The following COL22A1 variants were observed in gnomAD, a reference collection of about 807,000 sequenced individuals.
COL22A1 encodes the protein collagen alpha-1(XXII) chain.
COL22A1 carries 221 observed loss-of-function variants against 248.9 expected under a neutral mutation model. That is an observed-to-expected ratio of 0.89 (90% confidence interval 0.80 to 0.99). COL22A1 has a LOEUF of 0.99. COL22A1 is among the 50% of genes least tolerant of loss of function. The probability of loss-of-function intolerance (pLI) is 0.00; values close to 1 mark genes in which losing one functional copy is unlikely to be tolerated. For synonymous variants in COL22A1, 891 were observed against 793.4 expected (o/e 1.12, Z -2.07); for missense variants, 2,240 against 2,179.0 (o/e 1.03, Z -0.56).
intron 12 of COL22A1, among the ~76,000 whole-genome samples, chr8:138,792,703 C>T (rs1340609660): frequency 3.9e-5 from 6 of 152,180 alleles, no homozygotes; most frequent in Non-Finnish European, 8.8e-5. Context: ...GCTGTCTCTT[C>T]CCGTGGATAA....
chr8:138,632,069 G>A (rs1820771545), intron 49 of COL22A1, among the ~76,000 whole-genome samples: 1 of 152,182 alleles, frequency 6.6e-6, no homozygotes, highest in Admixed American at 6.5e-5. Context: ...ACTAGCTTTG[G>A]TTGAGTCATG....
chr8:138,747,754 C>T (rs1399293959), intron 22 of COL22A1, among the ~76,000 whole-genome samples: 1 of 152,042 alleles, frequency 6.6e-6, no homozygotes. Context: ...GCCTGGTACC[C>T]AGTAGATACA....
chr8:138,708,585 T>C (rs936955967), intron 30 of COL22A1, among the ~76,000 whole-genome samples: 1 of 152,238 alleles, frequency 6.6e-6, no homozygotes, highest in African/African-American at 2.4e-5. Flanking sequence ...GCTAGCCATA[T>C]GTAGAAAGCT....
chr8:138,663,618 T>C (rs558553260), intron 42 of COL22A1, 87 bp downstream of exon 42: 3 of 1,008,484 alleles, frequency 3.0e-6, no homozygotes, highest in African/African-American at 3.2e-5. Context: ...TCTACTTCAG[T>C]TTTTGGTGCT....
chr8:138,626,070 A>T, intron 51 of COL22A1, 120 bp downstream of exon 51: 1 of 731,756 alleles, frequency 1.4e-6, no homozygotes. Flanking sequence ...AATTTTCTAC[A>T]ACACTCAAAA....
At chr8:138,600,868 G>T (rs1036735737) in intron 60 of COL22A1, among the ~76,000 whole-genome samples, 9 of 152,144 alleles carry the variant, frequency 5.9e-5, no homozygotes, top group Non-Finnish European at 1.2e-4. Flanking sequence ...ACACCTGGAT[G>T]CTAAGGCCCT....
intron 37 of COL22A1, among the ~76,000 whole-genome samples, chr8:138,687,981 A>C (rs1354717466): frequency 6.6e-6 from 1 of 152,198 alleles, no homozygotes; most frequent in African/African-American, 2.4e-5. Flanking sequence ...ACCCTAGCTT[A>C]TATCAATGCA....
intron 7 of COL22A1, among the ~76,000 whole-genome samples, chr8:138,813,488 T>C (rs1398395288): frequency 6.6e-6 from 1 of 152,220 alleles, no homozygotes; most frequent in African/African-American, 2.4e-5. Context: ...CCCAGCCATA[T>C]GGAACCGTGA....
intron 23 of COL22A1, among the ~76,000 whole-genome samples, chr8:138,731,441 G>T (rs745315426): frequency 2.6e-5 from 4 of 152,132 alleles, no homozygotes; most frequent in Admixed American, 2.6e-4. Context: ...AGGTGATAGG[G>T]GGAGGGATGC....
intron 3 of COL22A1, among the ~76,000 whole-genome samples, chr8:138,863,044 T>C (rs937973062): frequency 6.6e-6 from 1 of 152,214 alleles, no homozygotes; most frequent in Non-Finnish European, 1.5e-5. Context: ...CAGTGTAAAC[T>C]TCCAAGTGTT....
Position 138,891,331 on chromosome 8 carries a change from C to G in COL22A1, c.-72-8087G>C, listed in dbSNP as rs139543735. 5.6e-3 allele frequency among the ~76,000 whole-genome samples: 859 copies of G among 152,234 alleles called. 7 individuals carry two copies. The highest frequency in any genetic ancestry group is 0.019 in the African/African-American group (809 of 41,546). ...AAATTAGTACTAATCACCCCCTTTA[C>G]CAGTGATGAACCTGGGTTCAGGGAG... On this transcript the variant is annotated intron_variant, in intron 1 of 64. Transcript: ENST00000303045.
In COL22A1 at chr8:138,725,990, G is replaced by A. The variant is rs575798481; in HGVS notation, c.2140-550C>T. The stretch of plus-strand genomic sequence containing the variant: ...TGTGAAGGTTCCCCCGTGATTCTAT[G>A]GAGATCAGTCCTCACAGCTGCTTGA... On this transcript the variant is annotated intron_variant, in intron 23 of 64. Transcript: ENST00000303045. Among the ~76,000 whole-genome samples, 29 of 152,302 alleles carry A rather than the reference G, an allele frequency of 1.9e-4. No homozygotes were observed. The South Asian group carries it at 4.3e-3, about 23-fold the overall frequency.
At chr8:138,596,802 A>G (rs1259534761) in intron 62 of COL22A1, 102 bp downstream of exon 62, 2 of 1,060,646 alleles carry the variant, frequency 1.9e-6, no homozygotes, top group Non-Finnish European at 2.9e-6. Flanking sequence ...CTGCCGGTCA[A>G]GTGCTTTTCT....
chr8:138,674,646 TCCG>T (rs1359073607), intron 41 of COL22A1, among the ~76,000 whole-genome samples: 1 of 152,152 alleles, frequency 6.6e-6, no homozygotes, highest in African/African-American at 2.4e-5. Flanking sequence ...GTGAATTGTG[TCCG>T]CCTCCACAGC....
At chr8:138,658,335 T>C (rs1316062904) in intron 44 of COL22A1, among the ~76,000 whole-genome samples, 1 of 152,238 alleles carries the variant, frequency 6.6e-6, no homozygotes, top group African/African-American at 2.4e-5. Flanking sequence ...TTTGTTTACC[T>C]GTGTTCTTGG....
At chr8:138,735,862 T>A (rs1207154794) in intron 23 of COL22A1, among the ~76,000 whole-genome samples, 3 of 152,100 alleles carry the variant, frequency 2.0e-5, no homozygotes, top group Non-Finnish European at 4.4e-5. Flanking sequence ...TGAGCAGTGT[T>A]TTCGGGATGA....
At chr8:138,613,360 G>A (rs1178409433) in intron 56 of COL22A1, among the ~76,000 whole-genome samples, 2 of 152,088 alleles carry the variant, frequency 1.3e-5, no homozygotes, top group African/African-American at 4.8e-5. Context: ...GCCAAGGAAC[G>A]CCCTCGAGAG....
chr8:138,645,880 C>G (rs550015896), intron 47 of COL22A1, among the ~76,000 whole-genome samples: 2 of 152,280 alleles, frequency 1.3e-5, no homozygotes, highest in South Asian at 4.1e-4. Flanking sequence ...TCTGCAGCAG[C>G]ACAGAGGCCA....
rs113859539 is a variant in COL22A1 at position 138,758,205 on chromosome 8, C to T, written c.1902+2038G>A. Among the ~76,000 whole-genome samples, 1,158 of 152,254 alleles carry T rather than the reference C, an allele frequency of 7.6e-3. 21 individuals are homozygous for T. Among genetic ancestry groups the T allele is most frequent in the African/African-American group, 0.026 (1,064 of 41,544 alleles). ...GCCTACCAGTGATGACATGAGTGAG[C>T]CTGGAAGTAGATTCTCCAGCACCAG... On this transcript the variant is annotated intron_variant, in intron 18 of 64. Transcript: ENST00000303045.
Sources: allele counts gnomAD v4.1 joint callset (sites outside exome capture counted in the v4.1 genomes callset), GRCh38; gene constraint gnomAD v4.1.1; transcripts MANE v1.5; gene names NCBI Gene and HGNC (gene_info 2026-07-23, HGNC 2026-07-21).